FAM171A1: variants seen among roughly 807,000 people sequenced by gnomAD.
The protein encoded by FAM171A1 is protein FAM171A1.
In FAM171A1, 23 loss-of-function variants were observed where a neutral mutation model predicts 74.9. The observed-to-expected ratio is 0.31, with a 90% CI of 0.22 to 0.44. The LOEUF (loss-of-function observed/expected upper bound fraction) is 0.44. Among genes scored for constraint, FAM171A1 ranks in the 20% least tolerant of loss-of-function variants. The pLI is 1.00. For missense variants in FAM171A1, 1,162 were observed against 1,159.2 expected, an observed-to-expected ratio of 1.00 and a Z score of -0.03; for synonymous variants, 527 against 505.7, an observed-to-expected ratio of 1.04 and a Z score of -0.57.
intron 1 of FAM171A1, among the ~76,000 whole-genome samples, chr10:15,329,618 C>A (rs1835602548): frequency 1.1e-5 from 1 of 92,926 alleles, no homozygotes; most frequent in Non-Finnish European, 2.1e-5. Flanking sequence ...AGGGCAATAC[C>A]ATCTCACTTA....
intron 5 of FAM171A1, among the ~76,000 whole-genome samples, chr10:15,236,362 A>G (rs1455629436): frequency 6.6e-6 from 1 of 151,836 alleles, no homozygotes; most frequent in Non-Finnish European, 1.5e-5. Context: ...CGGCAAACAC[A>G]TACGGAGGGT....
intron 1 of FAM171A1, among the ~76,000 whole-genome samples, chr10:15,356,741 C>T (rs554891235): frequency 3.2e-4 from 49 of 152,160 alleles, no homozygotes; most frequent in African/African-American, 1.1e-3. Flanking sequence ...GGGGCCGAGG[C>T]GGGTGGATCC....
At chr10:15,259,847 G>T (rs528744207) in intron 3 of FAM171A1, among the ~76,000 whole-genome samples, 1 of 151,260 alleles carries the variant, frequency 6.6e-6, no homozygotes, top group South Asian at 2.1e-4. Flanking sequence ...TTGAGACAGG[G>T]TCTTCACTTG....
intron 1 of FAM171A1, among the ~76,000 whole-genome samples, chr10:15,334,991 T>C (rs921370879): frequency 1.1e-4 from 16 of 152,172 alleles, no homozygotes; most frequent in African/African-American, 3.9e-4. Flanking sequence ...CCTGCAATCC[T>C]AGCACTTTGG....
intron 4 of FAM171A1, among the ~76,000 whole-genome samples, chr10:15,251,952 C>T (rs1834514481): frequency 6.6e-6 from 1 of 152,128 alleles, no homozygotes. Flanking sequence ...AGCTGTATCA[C>T]CTTGGGCCAT....
chr10:15,354,902 A>G (rs1204790001), intron 1 of FAM171A1, among the ~76,000 whole-genome samples: 2 of 152,220 alleles, frequency 1.3e-5, no homozygotes, highest in Non-Finnish European at 2.9e-5. Context: ...TTTCCAGTAG[A>G]CCATCTCCTG....
chr10:15,340,713 G>C (rs942013836), intron 1 of FAM171A1, among the ~76,000 whole-genome samples: 2 of 152,158 alleles, frequency 1.3e-5, no homozygotes, highest in African/African-American at 4.8e-5. Context: ...CTGAGGAGTG[G>C]TTTGGAGTAA....
Position 15,213,436 on chromosome 10 carries a change from C to T in FAM171A1, c.2152G>A (p.Ala718Thr), listed in dbSNP as rs1234575198. ...TCAATGTATGAATGTCTAACGTGAG[C>T]GTTGGACCTGCCATCCAAGGAGACG... ...WFVSLDGRSN[A>T]HVRHSYIDLQ... is the part of the protein sequence containing the mutation. Residue 718 changes from alanine to threonine, a missense_variant, in exon 8 of 8, where the codon GCT (alanine) becomes ACT (threonine). Ala to Thr is a moderately conservative substitution (Grantham distance 58). Transcript: ENST00000378116. The surrounding 1 kb of genome is among the most constrained non-coding windows in gnomAD (Gnocchi z 6.8). 4 of 1,614,194 alleles carry T rather than the reference C, an allele frequency of 2.5e-6. No individual in the cohort carries two copies. Among genetic ancestry groups the T allele is most frequent in the South Asian group, 2.2e-5 (2 of 91,086 alleles).
At chr10:15,351,651 G>GCAT (rs1835881322) in intron 1 of FAM171A1, among the ~76,000 whole-genome samples, 6 of 151,746 alleles carry the variant, frequency 4.0e-5, no homozygotes, top group Admixed American at 1.3e-4. Context: ...ATGGATGGAT[G>GCAT]GATGCATGCA....
At chr10:15,303,039 A>G (rs757895331) in intron 1 of FAM171A1, among the ~76,000 whole-genome samples, 31 of 152,210 alleles carry the variant, frequency 2.0e-4, no homozygotes, top group Middle Eastern at 3.4e-3. Flanking sequence ...AAATACAAAA[A>G]TTAGCCAGGC....
chr10:15,350,749 A>T (rs1588566773), intron 1 of FAM171A1, among the ~76,000 whole-genome samples: 2 of 132,588 alleles, frequency 1.5e-5, no homozygotes, highest in Admixed American at 7.4e-5. Context: ...AGCGATCGAT[A>T]CTCCTGCCTC....
intron 2 of FAM171A1, 149 bp from the exon 3 acceptor site, chr10:15,276,096 C>G (rs1419396421): frequency 1.3e-5 from 7 of 557,190 alleles, no homozygotes; most frequent in Non-Finnish European, 1.9e-5. Flanking sequence ...AAAAGACCTT[C>G]AAAATGCTAC....
In FAM171A1 at chr10:15,211,967, G is replaced by C. The variant is rs1420209304; in HGVS notation, c.*948C>G. 1 of 152,572 alleles carries C rather than the reference G, an allele frequency of 6.6e-6. No individual in the cohort carries two copies. The highest frequency in any genetic ancestry group is 1.5e-5 in the Non-Finnish European group (1 of 68,038). 9.5% of individuals were successfully genotyped at this position (152,572 alleles called of 1,614,324 possible). On this transcript the variant is annotated 3_prime_UTR_variant, in exon 8 of 8. Coordinates refer to ENST00000378116, the MANE Select transcript of FAM171A1 (RefSeq NM_001010924.2). ...TCCTCTAGTCTATCTTCGCTAAACA[G>C]AACCCACGTTACACATGATAACTAG...
chr10:15,232,422 G>A (rs1193483750), intron 5 of FAM171A1, among the ~76,000 whole-genome samples: 1 of 152,064 alleles, frequency 6.6e-6, no homozygotes, highest in African/African-American at 2.4e-5. Flanking sequence ...GTAATTATAG[G>A]GCCCTTCCCC....
At chr10:15,279,313 T>C (rs1834936387) in intron 2 of FAM171A1, among the ~76,000 whole-genome samples, 1 of 152,240 alleles carries the variant, frequency 6.6e-6, no homozygotes. Context: ...GGCCTTTCTT[T>C]GAATTCTAAA....
intron 1 of FAM171A1, among the ~76,000 whole-genome samples, chr10:15,305,235 C>G (rs1835279196): frequency 6.6e-6 from 1 of 152,188 alleles, no homozygotes; most frequent in South Asian, 2.1e-4. Flanking sequence ...ACAGTTTAGG[C>G]TGCATGAATA....
chr10:15,370,315 C>A (rs1033289089), intron 1 of FAM171A1, among the ~76,000 whole-genome samples: 6 of 147,870 alleles, frequency 4.1e-5, no homozygotes, highest in Non-Finnish European at 3.0e-5. Context: ...AGAGAAGACT[C>A]ATGGGCCGCT....
chr10:15,293,977 G>A (rs1348016150), intron 1 of FAM171A1, among the ~76,000 whole-genome samples: 1 of 152,188 alleles, frequency 6.6e-6, no homozygotes, highest in African/African-American at 2.4e-5. Flanking sequence ...CTGTGGCTCT[G>A]CTCATTCTGG....
chr10:15,231,887 T>C (rs1246651323), intron 5 of FAM171A1, among the ~76,000 whole-genome samples: 1 of 151,826 alleles, frequency 6.6e-6, no homozygotes, highest in Non-Finnish European at 1.5e-5. Flanking sequence ...GAGTTTAAGA[T>C]CAGCCCTGGC....
Sources: gnomAD v4.1 joint callset for allele counts (sites outside exome capture counted in the v4.1 genomes callset) on GRCh38, gnomAD v4.1.1 for gene constraint, Gnocchi (gnomAD v3.1) non-coding constraint, MANE v1.5 for transcripts, NCBI Gene and HGNC (gene_info 2026-07-23, HGNC 2026-07-21) for gene names.